EXD1: variants seen among roughly 807,000 people sequenced by gnomAD.
EXD1 encodes exonuclease 3'-5' domain containing 1.
EXD1 carries 63 observed loss-of-function variants against 49.1 expected under a neutral mutation model. The ratio of observed to expected loss-of-function variants is 1.28; its 90% CI spans 1.05 to 1.58. The LOEUF is 1.58. Ranked by LOEUF, EXD1 falls within the 40% of genes most tolerant of loss-of-function variation. EXD1 has a pLI of 0.00. For synonymous variants in EXD1, 234 were observed against 239.2 expected (o/e 0.98, Z 0.20); for missense variants, 748 against 666.0 (o/e 1.12, Z -1.36).
rs767096406 is a variant in EXD1 at position 41,217,153 on chromosome 15, C to T, written c.204G>A (p.Val68=). Residue 68 remains valine (V), a splice_region_variant and synonymous_variant, in exon 4 of 12, where the codon GTG becomes GTA. Transcript: ENST00000458580. ...CTTGTTCCACTTCATCTAGTAGTTC[C>T]ACTGTAAAATAACCAAATGGCTTCC... ...KLFFGHEIVN[V]ELLDEVEQGS... 5 of 1,611,872 alleles carry T rather than the reference C, an allele frequency of 3.1e-6. No individual in the cohort carries two copies. Among genetic ancestry groups the T allele is most frequent in the Non-Finnish European group, 4.2e-6 (5 of 1,179,752 alleles).
Position 41,191,386 on chromosome 15 carries a change from T to C in EXD1, c.864+56A>G, listed in dbSNP as rs1230079762. 3 of 1,517,722 alleles carry C rather than the reference T, an allele frequency of 2.0e-6. No individual in the cohort carries two copies. In the Admixed American group the frequency reaches 5.3e-5, roughly 27 times the overall value. The allele number at this position is 1,517,722 out of a possible 1,614,324, so 94.0% of individuals were successfully genotyped here. ...TTTCTACATAACAGGCTGATAATACTGCTCAGAAAACACTTGAAAAAAAAT... is the reference window on the plus strand; with the variant it reads ...TTTCTACATAACAGGCTGATAATACCGCTCAGAAAACACTTGAAAAAAAAT... On this transcript the variant is annotated intron_variant, in intron 10 of 11. Coordinates refer to ENST00000458580, the MANE Select transcript of EXD1 (RefSeq NM_001286441.2).
intron 1 of EXD1, among the ~76,000 whole-genome samples, chr15:41,227,157 T>C (rs551875604): frequency 6.6e-6 from 1 of 152,194 alleles, no homozygotes; most frequent in South Asian, 2.1e-4. Flanking sequence ...TACTTAGGAA[T>C]TAAAGGAAAT....
chr15:41,191,607 AACAG>A, intron 9 of EXD1, 22 bp from the exon 10 acceptor site: 4 of 1,611,704 alleles, frequency 2.5e-6, no homozygotes, highest in Non-Finnish European at 3.4e-6. Flanking sequence ...TAAAAAGACA[AACAG>A]ACCAGTTGAA....
intron 1 of EXD1, among the ~76,000 whole-genome samples, chr15:41,230,245 G>A (rs1461650796): frequency 2.0e-5 from 3 of 151,670 alleles, no homozygotes; most frequent in Non-Finnish European, 2.9e-5. Flanking sequence ...CACCACACCC[G>A]GATAATTTTG....
At chr15:41,212,161 T>C (rs892724022) in intron 6 of EXD1, among the ~76,000 whole-genome samples, 17 of 150,544 alleles carry the variant, frequency 1.1e-4, no homozygotes, top group African/African-American at 3.7e-4. Flanking sequence ...TTTAAAGAAA[T>C]TGGAACGGCT....
At chr15:41,216,522 T>C (rs906101926) in intron 5 of EXD1, 146 bp downstream of exon 5, 2 of 803,362 alleles carry the variant, frequency 2.5e-6, no homozygotes, top group South Asian at 1.9e-5. Flanking sequence ...TCACAGCTAC[T>C]ATGGAGGCAG....
chr15:41,190,485 A>C (rs769397782), intron 10 of EXD1: 2 of 278,668 alleles, frequency 7.2e-6, no homozygotes, highest in Admixed American at 4.7e-5. Context: ...GTCTCAAAAA[A>C]AGAAAAAAAA....
chr15:41,207,446 A>T (rs1381869760), intron 7 of EXD1, among the ~76,000 whole-genome samples: 1 of 152,108 alleles, frequency 6.6e-6, no homozygotes, highest in Non-Finnish European at 1.5e-5. Context: ...AGGCTGAGGC[A>T]GGAGAATTTC....
chr15:41,208,369 G>GAAAAAAA (rs10586810), intron 7 of EXD1, among the ~76,000 whole-genome samples: 6 of 62,666 alleles, frequency 9.6e-5, no homozygotes, highest in Non-Finnish European at 1.7e-4. Flanking sequence ...ACTCATCTCT[G>GAAAAAAA]AAAAAAAAAA....
At chr15:41,227,879 G>A (rs1346883435) in intron 1 of EXD1, among the ~76,000 whole-genome samples, 6 of 151,824 alleles carry the variant, frequency 4.0e-5, no homozygotes, top group Admixed American at 1.3e-4. Context: ...GTGAAACCCC[G>A]TCTCTACTAA....
Position 41,183,989 on chromosome 15 carries a change from G to A in EXD1, c.1661C>T (p.Pro554Leu). ...IRKTVVSTLPPCPALEKIDSW... is the reference protein window; with the variant it reads ...IRKTVVSTLPLCPALEKIDSW... Reference sequence around the variant, plus strand: ...ATCGATCTTCTCCAAGGCTGGACAGGGAGGGAGTGTGGAAACCACAGTCTT... The same window carrying A: ...ATCGATCTTCTCCAAGGCTGGACAGAGAGGGAGTGTGGAAACCACAGTCTT... The change falls in exon 12 of 12, where the codon CCC becomes CTC. Residue 554 changes from proline (P) to leucine (L), a missense_variant. Pro to Leu is a moderately conservative substitution (Grantham distance 98). Coordinates refer to ENST00000458580, the MANE Select transcript of EXD1 (RefSeq NM_001286441.2). 6.2e-7 allele frequency: 1 copy of A among 1,613,922 alleles called. No individual in the cohort carries two copies. Among genetic ancestry groups the A allele is most frequent in the South Asian group, 1.1e-5 (1 of 91,028 alleles).
intron 2 of EXD1, among the ~76,000 whole-genome samples, chr15:41,220,618 G>A (rs2047073585): frequency 6.6e-6 from 1 of 152,036 alleles, no homozygotes; most frequent in South Asian, 2.1e-4. Flanking sequence ...ACACTCAAAA[G>A]TACTATCAAG....
At chr15:41,210,913 A>T (rs954475729) in intron 6 of EXD1, among the ~76,000 whole-genome samples, 1 of 152,158 alleles carries the variant, frequency 6.6e-6, no homozygotes. Context: ...CTCAATTCTG[A>T]GTATCTCTCA....
intron 7 of EXD1, among the ~76,000 whole-genome samples, chr15:41,202,727 A>G (rs1384033562): frequency 2.0e-5 from 3 of 152,068 alleles, no homozygotes; most frequent in Non-Finnish European, 4.4e-5. Context: ...TCAGCCTCCC[A>G]AAGTATTGGA....
chr15:41,230,029 AG>A (rs1260005004), intron 1 of EXD1, among the ~76,000 whole-genome samples: 2 of 151,544 alleles, frequency 1.3e-5, no homozygotes, highest in Non-Finnish European at 2.9e-5. Context: ...CAGGTGAAGC[AG>A]TAAGAACTGG....
chr15:41,192,411 C>T (rs756165633), intron 9 of EXD1: 1 of 152,398 alleles, frequency 6.6e-6, no homozygotes, highest in African/African-American at 2.4e-5. Context: ...ATTATCCTGC[C>T]TCAGCCTCCC....
chr15:41,211,955 C>T (rs1334109950), intron 6 of EXD1, among the ~76,000 whole-genome samples: 1 of 151,994 alleles, frequency 6.6e-6, no homozygotes, highest in Admixed American at 6.6e-5. Flanking sequence ...CTAAGCGAGA[C>T]TCTGTCTCAA....
chr15:41,192,592 GCATTTTTT>G (rs2046539447), intron 9 of EXD1, among the ~76,000 whole-genome samples: 1 of 86,214 alleles, frequency 1.2e-5, no homozygotes, highest in African/African-American at 4.1e-5. Flanking sequence ...ACTGCGCCAG[GCATTTTTT>G]TTTTTTTTTT....
chr15:41,209,682 C>T, intron 6 of EXD1, 95 bp from the exon 7 acceptor site: 1 of 1,010,982 alleles, frequency 9.9e-7, no homozygotes, highest in Non-Finnish European at 1.5e-6. Context: ...CAGCAGTAAA[C>T]AAAGTGCATC....
Sources: allele counts gnomAD v4.1 joint callset (sites outside exome capture counted in the v4.1 genomes callset), GRCh38; gene constraint gnomAD v4.1.1; transcripts MANE v1.5; gene names NCBI Gene and HGNC (gene_info 2026-07-23, HGNC 2026-07-21).